FAM107B: variants seen among roughly 807,000 people sequenced by gnomAD.
FAM107B encodes family with sequence similarity 107 member B.
FAM107B carries 21 observed loss-of-function variants against 31.5 expected under a neutral mutation model. The observed-to-expected ratio is 0.67, with a 90% CI of 0.47 to 0.96. The LOEUF is 0.96. FAM107B is among the 40% of genes least tolerant of loss of function. FAM107B has a pLI of 0.00. For missense variants in FAM107B, 452 were observed against 377.1 expected (o/e 1.20, Z -1.64); for synonymous variants, 157 against 141.5 (o/e 1.11, Z -0.78).
intron 1 of FAM107B, among the ~76,000 whole-genome samples, chr10:14,716,080 T>A (rs17155814): frequency 0.13 from 19,494 of 152,258 alleles, 1,598 homozygotes; most frequent in African/African-American, 0.23. Flanking sequence ...ATCCAGGGTA[T>A]ATAGAAGCCC....
At chr10:14,585,550 T>C (rs897384028) in intron 2 of FAM107B, among the ~76,000 whole-genome samples, 1 of 152,246 alleles carries the variant, frequency 6.6e-6, no homozygotes, top group African/African-American at 2.4e-5. Context: ...CAATTACAGA[T>C]GCTGCATGTG....
intron 1 of FAM107B, among the ~76,000 whole-genome samples, chr10:14,714,221 T>C (rs973803833): frequency 2.0e-5 from 3 of 152,032 alleles, no homozygotes; most frequent in Non-Finnish European, 2.9e-5. Context: ...TAGGAGAAGG[T>C]TCTTATACAG....
At chr10:14,745,134 G>T (rs974545260) in intron 1 of FAM107B, among the ~76,000 whole-genome samples, 11 of 152,154 alleles carry the variant, frequency 7.2e-5, no homozygotes, top group African/African-American at 2.7e-4. Flanking sequence ...TTGCATTTCT[G>T]TGGGGTCAGT....
At chr10:14,606,549 C>G (rs1044200870) in intron 2 of FAM107B, among the ~76,000 whole-genome samples, 1 of 152,150 alleles carries the variant, frequency 6.6e-6, no homozygotes, top group African/African-American at 2.4e-5. Context: ...GCCCTAACCT[C>G]CAATGTGACT....
intron 2 of FAM107B, among the ~76,000 whole-genome samples, chr10:14,553,911 T>C (rs1849476607): frequency 1.3e-5 from 2 of 152,146 alleles, no homozygotes; most frequent in Non-Finnish European, 2.9e-5. Context: ...CAATTAATAA[T>C]GGGAGGGCCA....
intron 2 of FAM107B, among the ~76,000 whole-genome samples, chr10:14,533,523 C>CTTTACCTGACTGACTCGCTCTCG (rs1847263949): frequency 3.3e-5 from 5 of 152,152 alleles, no homozygotes; most frequent in African/African-American, 7.2e-5. Flanking sequence ...ACTCGCTCTC[C>CTTTACCTGACTGACTCGCTCTCG]TTTACCTGAC....
intron 1 of FAM107B, among the ~76,000 whole-genome samples, chr10:14,738,765 C>T (rs151319377): frequency 3.3e-4 from 51 of 152,312 alleles, no homozygotes; most frequent in African/African-American, 5.5e-4. Flanking sequence ...ACACATGGAT[C>T]GGGCCCATTG....
chr10:14,654,733 T>C (rs1421958151), intron 2 of FAM107B, among the ~76,000 whole-genome samples: 6 of 152,208 alleles, frequency 3.9e-5, no homozygotes, highest in Admixed American at 6.5e-5. Context: ...TGAGTTGAAA[T>C]ACACCAGTAA....
intron 2 of FAM107B, chr10:14,542,806 G>A (rs1475699177): frequency 1.3e-5 from 2 of 152,156 alleles, no homozygotes; most frequent in African/African-American, 4.8e-5. Flanking sequence ...CTAAAACTCC[G>A]TAACATTAAT....
chr10:14,770,390 G>A (rs1833274133), intron 1 of FAM107B, among the ~76,000 whole-genome samples: 1 of 152,072 alleles, frequency 6.6e-6, no homozygotes, highest in African/African-American at 2.4e-5. Context: ...AGGCGTGGTG[G>A]CTGGCGCCTG....
intron 1 of FAM107B, among the ~76,000 whole-genome samples, chr10:14,699,439 G>A (rs544776477): frequency 3.9e-5 from 6 of 152,218 alleles, no homozygotes; most frequent in South Asian, 2.1e-4. Flanking sequence ...GTGTAAGTCC[G>A]GGTCCAAGCC....
chr10:14,599,889 A>T (rs1022464000), intron 2 of FAM107B, among the ~76,000 whole-genome samples: 2 of 151,606 alleles, frequency 1.3e-5, no homozygotes, highest in Non-Finnish European at 2.9e-5. Context: ...CATCACATAC[A>T]TCTCATGAAT....
chr10:14,582,493 C>T (rs1377492844), intron 2 of FAM107B, among the ~76,000 whole-genome samples: 1 of 151,466 alleles, frequency 6.6e-6, no homozygotes. Flanking sequence ...TCTCCTGCCT[C>T]AGCCTCCCGA....
chr10:14,693,537 A>C (rs995609564), intron 1 of FAM107B, among the ~76,000 whole-genome samples: 4 of 148,046 alleles, frequency 2.7e-5, no homozygotes, highest in Non-Finnish European at 6.1e-5. Context: ...TAAAATGGTT[A>C]TTAGAGTGAA....
At chr10:14,669,986 CCTTGA>C (rs2131477015) in intron 1 of FAM107B, among the ~76,000 whole-genome samples, 1 of 152,178 alleles carries the variant, frequency 6.6e-6, no homozygotes, top group South Asian at 2.1e-4. Context: ...ATCCTAAATG[CCTTGA>C]CTTGATCATC....
chr10:14,726,600 C>A (rs960020032), intron 1 of FAM107B, among the ~76,000 whole-genome samples: 1 of 152,172 alleles, frequency 6.6e-6, no homozygotes, highest in South Asian at 2.1e-4. Flanking sequence ...CGTCTAGCCA[C>A]GTGGCAGCTA....
At chr10:14,570,725 C>G (rs1217845574) in intron 2 of FAM107B, among the ~76,000 whole-genome samples, 1 of 151,584 alleles carries the variant, frequency 6.6e-6, no homozygotes, top group East Asian at 1.9e-4. Context: ...TCGCTTGAAC[C>G]TGGGAGGCAG....
intron 2 of FAM107B, among the ~76,000 whole-genome samples, chr10:14,660,089 G>C (rs143181112): frequency 4.6e-5 from 7 of 152,258 alleles, no homozygotes; most frequent in Non-Finnish European, 8.8e-5. Context: ...TTAGCAAAAA[G>C]AGGGTGTTCT....
chr10:14,564,276 A>C (rs1476401697), intron 2 of FAM107B, among the ~76,000 whole-genome samples: 1 of 152,220 alleles, frequency 6.6e-6, no homozygotes, highest in African/African-American at 2.4e-5. Flanking sequence ...GCTTAAAAAA[A>C]GACTGCTCCG....
Sources: allele counts gnomAD v4.1 joint callset (sites outside exome capture counted in the v4.1 genomes callset), GRCh38; gene constraint gnomAD v4.1.1; transcripts MANE v1.5; gene names NCBI Gene and HGNC (gene_info 2026-07-23, HGNC 2026-07-21).